TICAM1: variants seen among roughly 807,000 people sequenced by gnomAD.
The protein encoded by TICAM1 is TIR domain containing adaptor molecule 1.
For synonymous variants in TICAM1, 439 were observed against 415.4 expected, an observed-to-expected ratio of 1.06 and a Z score of -0.69; for missense variants, 895 against 938.2, an observed-to-expected ratio of 0.95 and a Z score of 0.60.
At chr19:4,830,395 T>A (rs1219976114) in intron 1 of TICAM1, among the ~76,000 whole-genome samples, 1 of 152,000 alleles carries the variant, frequency 6.6e-6, no homozygotes, top group Non-Finnish European at 1.5e-5. Flanking sequence ...TTTTTGAATT[T>A]TTTTGTAGAG....
rs1301345260 is a variant in TICAM1 at position 4,818,220 on chromosome 19, T to C, written c.158A>G (p.Gln53Arg). 4 of 1,613,080 alleles carry C rather than the reference T, an allele frequency of 2.5e-6. No individual in the cohort carries two copies. Among genetic ancestry groups the C allele is most frequent in the Non-Finnish European group, 3.4e-6 (4 of 1,179,994 alleles). The change falls in exon 2 of 2, where the codon CAG (glutamine) becomes CGG (arginine). Residue 53 changes from glutamine (Q) to arginine (R), a missense_variant. By Grantham distance (43) the Gln-to-Arg change is conservative. Coordinates refer to ENST00000248244, the MANE Select transcript of TICAM1 (RefSeq NM_182919.4). This position sits in a 1 kb window ranked among gnomAD's most constrained non-coding sequence, Gnocchi z 4.0. Reference sequence around the variant, plus strand: ...TAGAGAGATCCTGGCCTCAGTTTCCTGGCCCAGCTTCAGGAGAACCATGGC... The same window carrying C: ...TAGAGAGATCCTGGCCTCAGTTTCCCGGCCCAGCTTCAGGAGAACCATGGC... ...LHAMVLLKLG[Q>R]ETEARISLEA... is the part of the protein sequence containing the mutation.
chr19:4,826,450 G>C (rs112728470), intron 1 of TICAM1, among the ~76,000 whole-genome samples: 2 of 151,828 alleles, frequency 1.3e-5, no homozygotes, highest in Admixed American at 6.6e-5. Context: ...TCAGCCTTCC[G>C]GGTAGCTGGG....
At chr19:4,828,826 C>A (rs1488925448) in intron 1 of TICAM1, among the ~76,000 whole-genome samples, 3 of 151,988 alleles carry the variant, frequency 2.0e-5, no homozygotes, top group Non-Finnish European at 4.4e-5. Context: ...CCTCACCCTC[C>A]CGAGTAGCTG....
chr19:4,830,495 C>T (rs1471994467), intron 1 of TICAM1, among the ~76,000 whole-genome samples: 3 of 152,116 alleles, frequency 2.0e-5, no homozygotes, highest in Non-Finnish European at 4.4e-5. Context: ...TTTTAACCAC[C>T]TCTCCCACTC....
chr19:4,816,778 G>T lies in TICAM1; in HGVS notation c.1600C>A (p.Gln534Lys), dbSNP rs142171170. ...TTCCTCCACATGGCCTTTCGGGCCT[G>T]AAGCCTGTGGGGCTTGAAGGTGTTG... ...VANTFKPHRL[Q>K]ARKAMWRKEQ... Residue 534 changes from glutamine to lysine, a missense_variant, in exon 2 of 2, where the codon CAG becomes AAG. Gln to Lys is a moderately conservative substitution (Grantham distance 53). Coordinates refer to ENST00000248244, the MANE Select transcript of TICAM1 (RefSeq NM_182919.4). The surrounding 1 kb of genome is among the most constrained non-coding windows in gnomAD (Gnocchi z 4.3). 41 of 1,613,470 alleles carry T rather than the reference G, an allele frequency of 2.5e-5. No individual in the cohort carries two copies. In the African/African-American group the frequency reaches 3.2e-4, roughly 13 times the overall value.
chr19:4,819,800 G>A (rs937721173), intron 1 of TICAM1, among the ~76,000 whole-genome samples: 20 of 151,862 alleles, frequency 1.3e-4, no homozygotes, highest in African/African-American at 4.1e-4. Flanking sequence ...GCTTGAATCC[G>A]GGAGGCAGAG....
In TICAM1 at chr19:4,817,456, A is replaced by G; in HGVS notation, c.922T>C (p.Ser308Pro). 6.2e-7 allele frequency: 1 copy of G among 1,613,920 alleles called. No individual in the cohort carries two copies. Among genetic ancestry groups the G allele is most frequent in the East Asian group, 2.2e-5 (1 of 44,876 alleles). The stretch of plus-strand genomic sequence containing the variant: ...AAGGGGAGAGACTGGGGGCCTGCAG[A>G]CCCCTCGGTGCACTCCACTGGGTAG... ...TNYPVECTEG[S>P]AGPQSLPLPI... Residue 308 changes from serine (S) to proline (P), a missense_variant, in exon 2 of 2, where the codon TCT becomes CCT. Transcript: ENST00000248244. The surrounding 1 kb of genome is among the most constrained non-coding windows in gnomAD (Gnocchi z 4.7).
At chr19:4,828,240 GTGT>G (rs1393286493) in intron 1 of TICAM1, among the ~76,000 whole-genome samples, 5 of 151,728 alleles carry the variant, frequency 3.3e-5, no homozygotes, top group South Asian at 2.1e-4. Flanking sequence ...TCAGCCTCCT[GTGT>G]TGTTGTTTTT....
chr19:4,823,191 G>A (rs374176557), intron 1 of TICAM1, among the ~76,000 whole-genome samples: 7 of 152,080 alleles, frequency 4.6e-5, no homozygotes, highest in South Asian at 2.1e-4. Flanking sequence ...ATGGCCAGGC[G>A]CAGTGGCTCA....
intron 1 of TICAM1, among the ~76,000 whole-genome samples, chr19:4,826,680 C>T (rs571861357): frequency 6.6e-6 from 1 of 152,168 alleles, no homozygotes; most frequent in South Asian, 2.1e-4. Flanking sequence ...CACTACAGTC[C>T]AGTAATATTG....
rs1400942979 is a variant in TICAM1 at position 4,816,269 on chromosome 19, C to T, written c.2109G>A (p.Ala703=). 1.3e-6 allele frequency: 2 copies of T among 1,513,314 alleles called. No individual in the cohort carries two copies. Among genetic ancestry groups the T allele is most frequent in the African/African-American group, 1.4e-5 (1 of 71,586 alleles). The allele number at this position is 1,513,314 out of a possible 1,614,324, so 93.7% of individuals were successfully genotyped here. ...CTGCCTCCTGCGTCTTGTCCTCGGG[C>T]GCCTGGGACCCTCTCTGGTTCCACA... ...NHMWNQRGSQ[A]PEDKTQEAE Residue 703 remains alanine, a synonymous_variant, in exon 2 of 2, where the codon GCG becomes GCA. Transcript: ENST00000248244. The surrounding 1 kb of genome is among the most constrained non-coding windows in gnomAD (Gnocchi z 4.3).
rs1383854983 is a variant in TICAM1, at chr19:4,818,114, C to T, written c.264G>A (p.Glu88=). The change falls in exon 2 of 2, where the codon GAG becomes GAA. Residue 88 remains glutamate, a synonymous_variant. Coordinates refer to ENST00000248244, the MANE Select transcript of TICAM1 (RefSeq NM_182919.4). This position sits in a 1 kb window ranked among gnomAD's most constrained non-coding sequence, Gnocchi z 4.0. ...CCACAGCCCAGGACACATCTGGGGG[C>T]TCCTCTGGGTCCTCGGTGCTGTCCA... ...AGVDSTEDPE[E]PPDVSWAVAR... is the part of the protein sequence containing the mutation. 6.2e-7 allele frequency: 1 copy of T among 1,608,380 alleles called. No homozygotes were observed. Among genetic ancestry groups the T allele is most frequent in the Non-Finnish European group, 8.5e-7 (1 of 1,179,786 alleles).
chr19:4,816,441 G>C lies in TICAM1; in HGVS notation c.1937C>G (p.Pro646Arg). 1 of 1,557,634 alleles carries C rather than the reference G, an allele frequency of 6.4e-7. No individual in the cohort carries two copies. The highest frequency in any genetic ancestry group is 8.7e-7 in the Non-Finnish European group (1 of 1,153,334). The change falls in exon 2 of 2, where the codon CCA becomes CGA. Residue 646 changes from proline (P) to arginine (R), a missense_variant. By Grantham distance (103) the Pro-to-Arg change is moderately radical. Transcript: ENST00000248244. This position sits in a 1 kb window ranked among gnomAD's most constrained non-coding sequence, Gnocchi z 4.3. ...TGACTGTGGAAAGGCTGCTGGCTGT[G>C]GGGAGGGCGGTGGGGGGGTGCCAGC... ...WQAGTPPPPS[P>R]QPAAFPQSLP...
intron 1 of TICAM1, among the ~76,000 whole-genome samples, chr19:4,827,912 G>A (rs1015732857): frequency 1.3e-5 from 2 of 151,828 alleles, no homozygotes; most frequent in Admixed American, 6.6e-5. Flanking sequence ...CCCACCTCCC[G>A]GTGTTTCCTG....
rs10706023 is a variant in TICAM1 at position 4,828,702 on chromosome 19, C to CT, written c.-140+2911dup. Among the ~76,000 whole-genome samples the CT allele has an allele frequency of 8.7e-3, 1,084 of 124,614 alleles. 5 individuals carry two copies. The highest frequency in any genetic ancestry group is 0.016 in the Middle Eastern group (4 of 252). The allele number at this position is 124,614 out of a possible 152,430, so 81.8% of individuals were successfully genotyped here. A position where few individuals can be genotyped will look rare whatever the true frequency, so the allele number is the denominator to read the frequency against. ...GAGCCTGCCACCACGCCCAGATAAT[C>CT]TTTTTTTTTTTTTTTTTCTGAGACC... is the stretch of plus-strand genomic sequence containing the variant. On this transcript the variant is annotated intron_variant, in intron 1 of 1. Coordinates refer to ENST00000248244, the MANE Select transcript of TICAM1 (RefSeq NM_182919.4).
At position 4,816,777 on chromosome 19, in the gene TICAM1, T is replaced by C; in HGVS notation, c.1601A>G (p.Gln534Arg). 1.2e-6 allele frequency: 2 copies of C among 1,613,534 alleles called. No individual in the cohort carries two copies. The highest frequency in any genetic ancestry group is 1.7e-6 in the Non-Finnish European group (2 of 1,180,012). ...VANTFKPHRL[Q>R]ARKAMWRKEQ... Reference sequence around the variant, plus strand: ...CTTCCTCCACATGGCCTTTCGGGCCTGAAGCCTGTGGGGCTTGAAGGTGTT... The same window carrying C: ...CTTCCTCCACATGGCCTTTCGGGCCCGAAGCCTGTGGGGCTTGAAGGTGTT... Residue 534 changes from glutamine to arginine, a missense_variant, in exon 2 of 2, where the codon CAG (glutamine) becomes CGG (arginine). By Grantham distance (43) the Gln-to-Arg change is conservative (BLOSUM62 1). Coordinates refer to ENST00000248244, the MANE Select transcript of TICAM1 (RefSeq NM_182919.4). The surrounding 1 kb of genome is among the most constrained non-coding windows in gnomAD (Gnocchi z 4.3).
chr19:4,818,284 T>C lies in TICAM1; in HGVS notation c.94A>G (p.Thr32Ala), dbSNP rs1168190614. Residue 32 changes from threonine to alanine, a missense_variant, in exon 2 of 2, where the codon ACC becomes GCC. Transcript: ENST00000248244. The surrounding 1 kb of genome is among the most constrained non-coding windows in gnomAD (Gnocchi z 4.0). The stretch of plus-strand genomic sequence containing the variant: ...TGCCCCTGGCAGCCTGGGCGTGGGG[T>C]CTTCAGTTTGTGCTTCAGATACAAG... ...KLLYLKHKLKTPRPGCQGQDL... is the reference protein window; with the variant it reads ...KLLYLKHKLKAPRPGCQGQDL... The C allele has an allele frequency of 1.1e-5, 17 of 1,612,534 alleles. 1 individual carries two copies. In the East Asian group the frequency reaches 3.8e-4, roughly 36 times the overall value.
chr19:4,830,248 T>C (rs185245328), intron 1 of TICAM1, among the ~76,000 whole-genome samples: 128 of 151,902 alleles, frequency 8.4e-4, no homozygotes, highest in African/African-American at 3.0e-3. Flanking sequence ...GCACCACACC[T>C]GGCTAATTTT....
chr19:4,829,390 C>A (rs569833970), intron 1 of TICAM1, among the ~76,000 whole-genome samples: 147 of 152,176 alleles, frequency 9.7e-4, no homozygotes, highest in Non-Finnish European at 1.8e-3. Context: ...ACTGCCCCAG[C>A]TTCCCCCGCC....
Sources: gnomAD v4.1 joint callset for allele counts (sites outside exome capture counted in the v4.1 genomes callset) on GRCh38, gnomAD v4.1.1 for gene constraint, Gnocchi (gnomAD v3.1) non-coding constraint, MANE v1.5 for transcripts, NCBI Gene and HGNC (gene_info 2026-07-23, HGNC 2026-07-21) for gene names.